Variants in ZYG11B observed in about 807,000 individuals in gnomAD.
ZYG11B encodes the protein zyg-11 family member B, cell cycle regulator.
A neutral mutation model predicts 82.4 loss-of-function variants in ZYG11B; 36 were observed. That is an observed-to-expected ratio of 0.44 (90% CI 0.33 to 0.58). The LOEUF is 0.58. Ranked by LOEUF, ZYG11B falls within the 20% of genes least tolerant of loss-of-function variation. The pLI is 0.02. For synonymous variants in ZYG11B, 303 were observed against 312.8 expected (o/e 0.97, Z 0.33); for missense variants, 552 against 895.6 (o/e 0.62, Z 4.90).
intron 12 of ZYG11B, among the ~76,000 whole-genome samples, chr1:52,814,633 G>C (rs535820984): frequency 6.6e-6 from 1 of 152,272 alleles, no homozygotes; most frequent in African/African-American, 2.4e-5. Flanking sequence ...CCAGGAGTTT[G>C]AGGCTGCAGT....
At chr1:52,793,886 T>TCCTTCCTTCCTTCCTTCCTTCCTG (rs1644981483) in intron 6 of ZYG11B, among the ~76,000 whole-genome samples, 1 of 140,010 alleles carries the variant, frequency 7.1e-6, no homozygotes, top group African/African-American at 2.8e-5. Flanking sequence ...CTTCCTTCCT[T>TCCTTCCTTCCTTCCTTCCTTCCTG]CCTTCCTTCC....
chr1:52,735,422 A>G (rs573639801), intron 1 of ZYG11B, among the ~76,000 whole-genome samples: 3 of 152,330 alleles, frequency 2.0e-5, no homozygotes, highest in East Asian at 3.9e-4. Flanking sequence ...TTATTCTCAC[A>G]CTAAGTAATT....
chr1:52,815,741 TG>T lies in ZYG11B; in HGVS notation c.1947-789del, dbSNP rs1286533293. Among the ~76,000 whole-genome samples, 5 of 152,236 alleles carry T rather than the reference TG, an allele frequency of 3.3e-5. No homozygotes were observed. In the East Asian group the frequency reaches 9.7e-4, roughly 29 times the overall value. On this transcript the variant is annotated intron_variant, in intron 12 of 13. Transcript: ENST00000294353. Reference sequence around the variant, plus strand: ...CGAGGTCAGGAGATCGAGACTATCCTGGCTAACGTGGTGAAACCCCGTCTCT... The same window carrying T: ...CGAGGTCAGGAGATCGAGACTATCCTGCTAACGTGGTGAAACCCCGTCTCT...
intron 10 of ZYG11B, among the ~76,000 whole-genome samples, chr1:52,811,898 G>A (rs1645187035): frequency 6.6e-6 from 1 of 152,058 alleles, no homozygotes; most frequent in Non-Finnish European, 1.5e-5. Flanking sequence ...AGGCATGGTA[G>A]CGGTTGCCTG....
chr1:52,823,403 C>G lies in ZYG11B; in HGVS notation c.*1774C>G, dbSNP rs1414812469. On this transcript the variant is annotated 3_prime_UTR_variant, in exon 14 of 14. Transcript: ENST00000294353. ...AATAGATATTTAGAATCACTGAAAA[C>G]CATATTAAATGCTGGGTTAATGCTG... 1 of 151,820 alleles carries G rather than the reference C, an allele frequency of 6.6e-6. No homozygotes were observed. Among genetic ancestry groups the G allele is most frequent in the Admixed American group, 6.6e-5 (1 of 15,210 alleles). 9.4% of individuals were successfully genotyped at this position (151,820 alleles called of 1,614,324 possible). A position where few individuals can be genotyped will look rare whatever the true frequency, so the allele number is the denominator to read the frequency against.
At chr1:52,817,267 C>T (rs571374655) in intron 13 of ZYG11B, among the ~76,000 whole-genome samples, 41 of 152,212 alleles carry the variant, frequency 2.7e-4, no homozygotes, top group South Asian at 1.9e-3. Flanking sequence ...TGGTACATTC[C>T]GGTGCCCAAT....
At position 52,783,895 on chromosome 1, in the gene ZYG11B, C is replaced by CGTGTGTGTGTATGTACATACAT. The variant is rs764675732; in HGVS notation, c.1093-974_1093-973insGTATGTACATACATGTGTGTGT. Among the ~76,000 whole-genome samples, 17 of 115,268 alleles carry CGTGTGTGTGTATGTACATACAT rather than the reference C, an allele frequency of 1.5e-4. 1 individual carries two copies. The South Asian group carries it at 4.0e-3, about 27-fold the overall frequency. 75.6% of individuals were successfully genotyped at this position (115,268 alleles called of 152,430 possible). On this transcript the variant is annotated intron_variant, in intron 4 of 13. Transcript: ENST00000294353. ...ACACGTGTGTGTATATGTACATACA[C>CGTGTGTGTGTATGTACATACAT]GTGTGTGTATATACATCTATACATA...
rs993071647 is a variant in ZYG11B, at chr1:52,773,151, A to C, written c.951+1377A>C. Among the ~76,000 whole-genome samples, 3 of 151,836 alleles carry C rather than the reference A, an allele frequency of 2.0e-5. No individual in the cohort carries two copies. In the East Asian group the frequency reaches 5.9e-4, roughly 30 times the overall value. ...GTTTAAATTTAGTTTAACAAACATC[A>C]GTTGGATTTGGTAGAGCTTGGGATT... On this transcript the variant is annotated intron_variant, in intron 3 of 13. Transcript: ENST00000294353.
At chr1:52,781,443 G>A (rs974555590) in intron 4 of ZYG11B, among the ~76,000 whole-genome samples, 4 of 152,034 alleles carry the variant, frequency 2.6e-5, no homozygotes, top group Non-Finnish European at 5.9e-5. Context: ...AGGTTACAGC[G>A]AGCTGAGATC....
At position 52,801,802 on chromosome 1, in the gene ZYG11B, GT is replaced by G. The variant is rs199605472; in HGVS notation, c.1486-4del. On this transcript the variant is annotated splice_polypyrimidine_tract_variant and intron_variant, in intron 8 of 13. Transcript: ENST00000294353. Reference sequence around the variant, plus strand: ...AGTTCAAAAGTGAAAACTTATTTCTGTTTTTTTTTTTTTCAGCAACTTCTTC... The same window carrying G: ...AGTTCAAAAGTGAAAACTTATTTCTGTTTTTTTTTTTTCAGCAACTTCTTC... 0.05 allele frequency: 67,420 copies of G among 1,335,392 alleles called. 1,670 individuals carry two copies. The highest frequency in any genetic ancestry group is 0.28 in the East Asian group (11,275 of 40,106). The allele number at this position is 1,335,392 out of a possible 1,614,324, so 82.7% of individuals were successfully genotyped here.
At chr1:52,802,638 G>T (rs1645086123) in intron 10 of ZYG11B, among the ~76,000 whole-genome samples, 1 of 151,646 alleles carries the variant, frequency 6.6e-6, no homozygotes, top group Non-Finnish European at 1.5e-5. Flanking sequence ...GGCATGAGCT[G>T]CCTGGTCAGC....
At chr1:52,814,054 C>T (rs1173515893) in intron 12 of ZYG11B, 142 bp downstream of exon 12, 24 of 811,456 alleles carry the variant, frequency 3.0e-5, no homozygotes, top group Non-Finnish European at 4.3e-5. Context: ...CAGAGTTTCA[C>T]TCCGTCGCCA....
intron 4 of ZYG11B, among the ~76,000 whole-genome samples, chr1:52,780,897 C>T (rs1644850689): frequency 6.6e-6 from 1 of 152,150 alleles, no homozygotes; most frequent in Admixed American, 6.6e-5. Context: ...CCTGTAATAA[C>T]TTTGGGAGGC....
In ZYG11B at chr1:52,772,149, A is replaced by G. The variant is rs878990912; in HGVS notation, c.951+375A>G. On this transcript the variant is annotated intron_variant, in intron 3 of 13. Coordinates refer to ENST00000294353, the MANE Select transcript of ZYG11B (RefSeq NM_024646.3). ...GTTTTTTTGTTTTTGTTTTTGTTTT[A>G]TTTTAGTTAAACAATCATTTTATTG... is the stretch of plus-strand genomic sequence containing the variant. 23 of 1,292,646 alleles carry G rather than the reference A, an allele frequency of 1.8e-5. No homozygotes were observed. In the African/African-American group the frequency reaches 2.6e-4, roughly 15 times the overall value. 80.1% of individuals were successfully genotyped at this position (1,292,646 alleles called of 1,614,324 possible).
intron 6 of ZYG11B, among the ~76,000 whole-genome samples, chr1:52,794,973 C>T (rs1289961035): frequency 1.3e-5 from 2 of 152,136 alleles, no homozygotes; most frequent in African/African-American, 4.8e-5. Context: ...CACAGATGAT[C>T]GAGTAGTCCT....
intron 7 of ZYG11B, 131 bp downstream of exon 7, chr1:52,796,522 C>A (rs866247959): frequency 3.2e-6 from 3 of 942,286 alleles, no homozygotes; most frequent in African/African-American, 1.7e-5. Context: ...AAGCTACATT[C>A]GATATTGCAG....
At chr1:52,766,267 T>C (rs563709076) in intron 2 of ZYG11B, among the ~76,000 whole-genome samples, 1 of 151,948 alleles carries the variant, frequency 6.6e-6, no homozygotes, top group Admixed American at 6.6e-5. Context: ...ACTACAGGCG[T>C]GTGCCACCAT....
Position 52,756,605 on chromosome 1 carries a change from C to T in ZYG11B, c.178C>T (p.Arg60Trp), listed in dbSNP as rs201742614. 21 of 1,601,150 alleles carry T rather than the reference C, an allele frequency of 1.3e-5. No homozygotes were observed. The highest frequency in any genetic ancestry group is 9.0e-5 in the South Asian group (8 of 88,742). The change falls in exon 2 of 14, where the codon CGG (arginine) becomes TGG (tryptophan). Residue 60 changes from arginine to tryptophan, a missense_variant. Arg to Trp is a moderately radical substitution (Grantham distance 101). Around this residue, in one of 3 missense-constraint regions of ZYG11B, gnomAD observed 359 missense variants for 555.8 expected, o/e 0.65. Coordinates refer to ENST00000294353, the MANE Select transcript of ZYG11B (RefSeq NM_024646.3). ...ACAGGAGGTGGCTGATCGACTGCTT[C>T]GGACCATGGCTTTTCATGGTAAAAA... is the stretch of plus-strand genomic sequence containing the variant. Reference protein sequence around the residue: ...FPQEVADRLLRTMAFHGLLND... With the variant: ...FPQEVADRLLWTMAFHGLLND...
intron 10 of ZYG11B, among the ~76,000 whole-genome samples, chr1:52,812,817 C>T (rs1645194874): frequency 6.6e-6 from 1 of 152,022 alleles, no homozygotes; most frequent in South Asian, 2.1e-4. Flanking sequence ...ACCTCTGCCT[C>T]CCGGGTTTAG....
Sources: allele counts gnomAD v4.1 joint callset (sites outside exome capture counted in the v4.1 genomes callset), GRCh38; gene constraint gnomAD v4.1.1; regional missense constraint gnomAD v4.1.1; transcripts MANE v1.5; gene names NCBI Gene and HGNC (gene_info 2026-07-23, HGNC 2026-07-21).